Variants in TRIM2 observed in about 807,000 individuals in gnomAD.
TRIM2 encodes tripartite motif containing 2.
A neutral mutation model predicts 75.2 loss-of-function variants in TRIM2; 20 were observed. The ratio of observed to expected loss-of-function variants is 0.27; its 90% CI spans 0.19 to 0.39. The LOEUF (loss-of-function observed/expected upper bound fraction) is 0.39. Among genes scored for constraint, TRIM2 ranks in the 10% least tolerant of loss-of-function variants. The pLI is 1.00. For missense variants in TRIM2, 660 were observed against 990.8 expected (o/e 0.67, Z 4.48); for synonymous variants, 373 against 388.3 (o/e 0.96, Z 0.46).
At chr4:153,181,719 A>G (rs1012735084) in intron 1 of TRIM2, among the ~76,000 whole-genome samples, 3 of 152,168 alleles carry the variant, frequency 2.0e-5, no homozygotes, top group Admixed American at 6.5e-5. Context: ...GACTCATCCC[A>G]GCAGCCTTGT....
At chr4:153,195,819 T>A (rs1222751956) in intron 1 of TRIM2, among the ~76,000 whole-genome samples, 1 of 152,206 alleles carries the variant, frequency 6.6e-6, no homozygotes, top group Non-Finnish European at 1.5e-5. Context: ...TTCTTTTTTT[T>A]ATTATTTTTT....
At chr4:153,192,103 C>T (rs1733251886) in intron 1 of TRIM2, among the ~76,000 whole-genome samples, 1 of 152,158 alleles carries the variant, frequency 6.6e-6, no homozygotes, top group African/African-American at 2.4e-5. Flanking sequence ...AGTGAAACCC[C>T]AGAGCAACAA....
intron 3 of TRIM2, among the ~76,000 whole-genome samples, chr4:153,287,613 G>T (rs1385500045): frequency 6.6e-6 from 1 of 151,636 alleles, no homozygotes; most frequent in Non-Finnish European, 1.5e-5. Context: ...TTTATTGTTT[G>T]CCCTGAGGGT....
intron 6 of TRIM2, chr4:153,308,195 C>T: frequency 6.9e-7 from 1 of 1,439,212 alleles, no homozygotes; most frequent in African/African-American, 1.4e-5. Flanking sequence ...CTTGGTCAAT[C>T]AGTTCATAAT....
At chr4:153,266,080 C>G (rs1051410162) in intron 1 of TRIM2, among the ~76,000 whole-genome samples, 12 of 152,202 alleles carry the variant, frequency 7.9e-5, no homozygotes, top group African/African-American at 2.9e-4. Flanking sequence ...GACGTCATAC[C>G]TATACCGTTT....
intron 3 of TRIM2, among the ~76,000 whole-genome samples, chr4:153,289,128 G>T (rs1761311245): frequency 6.6e-6 from 1 of 151,734 alleles, no homozygotes; most frequent in Admixed American, 6.6e-5. Flanking sequence ...GTCCTTTTTT[G>T]TGTGCTTCAC....
At chr4:153,303,879 C>G (rs1764445164) in intron 6 of TRIM2, among the ~76,000 whole-genome samples, 1 of 152,120 alleles carries the variant, frequency 6.6e-6, no homozygotes, top group African/African-American at 2.4e-5. Context: ...CATTATCCAG[C>G]CTTCTAGTTG....
Position 153,289,560 on chromosome 4 carries a change from G to A in TRIM2, c.454-3422G>A, listed in dbSNP as rs189590910. On this transcript the variant is annotated intron_variant, in intron 3 of 11. Transcript: ENST00000338700. ...CTTGAGGATTTTTTACATTTTTCGC[G>A]ACTCTATATTATTTTGCATCCTTTT... Among the ~76,000 whole-genome samples the A allele has an allele frequency of 2.0e-4, 31 of 152,136 alleles. 1 individual carries two copies. The highest frequency in any genetic ancestry group is 5.1e-4 in the African/African-American group (21 of 41,516).
intron 1 of TRIM2, among the ~76,000 whole-genome samples, chr4:153,174,038 A>T (rs1252007575): frequency 1.0e-5 from 1 of 100,168 alleles, no homozygotes; most frequent in Non-Finnish European, 2.0e-5. Context: ...AGGTGGCCAC[A>T]GGAGGGACAG....
intron 1 of TRIM2, among the ~76,000 whole-genome samples, chr4:153,230,673 A>C (rs1300049130): frequency 6.6e-6 from 1 of 152,194 alleles, no homozygotes; most frequent in African/African-American, 2.4e-5. Context: ...ACAGTATGCT[A>C]TCTGTCTTTT....
At chr4:153,197,422 A>G (rs1391327088) in intron 1 of TRIM2, among the ~76,000 whole-genome samples, 1 of 152,098 alleles carries the variant, frequency 6.6e-6, no homozygotes, top group East Asian at 1.9e-4. Context: ...TCCCCTCTTT[A>G]TCAAGCCATG....
Position 153,335,117 on chromosome 4 carries a change from TA to T in TRIM2, c.*156del. ...TTATTTCTGAATGTAACAATTTCCT[TA>T]AAAATGACTTATCCAATTTCTGTAT... On this transcript the variant is annotated 3_prime_UTR_variant, in exon 12 of 12. Transcript: ENST00000338700. 1.1e-5 allele frequency: 14 copies of T among 1,299,106 alleles called. No individual in the cohort carries two copies. Among genetic ancestry groups the T allele is most frequent in the Non-Finnish European group, 1.3e-5 (13 of 1,019,036 alleles). The allele number at this position is 1,299,106 out of a possible 1,614,324, so 80.5% of individuals were successfully genotyped here.
chr4:153,155,706 G>T (rs981796366), intron 1 of TRIM2, among the ~76,000 whole-genome samples: 10 of 152,132 alleles, frequency 6.6e-5, no homozygotes, highest in African/African-American at 2.4e-4. Context: ...TACCCTAGCT[G>T]CAGGCTAGAA....
Position 153,339,218 on chromosome 4 carries a change from C to A in TRIM2, c.*4252C>A. 1 of 984,710 alleles carries A rather than the reference C, an allele frequency of 1.0e-6. No individual in the cohort carries two copies. The highest frequency in any genetic ancestry group is 1.2e-6 in the Non-Finnish European group (1 of 828,902). 61.0% of individuals were successfully genotyped at this position (984,710 alleles called of 1,614,324 possible). A position where few individuals can be genotyped will look rare whatever the true frequency, so the allele number is the denominator to read the frequency against. Reference sequence around the variant, plus strand: ...ATGCTTTAGTCTACAATGAAACTTTCAATTAATTCTGTCTTGAAACATAGG... The same window carrying A: ...ATGCTTTAGTCTACAATGAAACTTTAAATTAATTCTGTCTTGAAACATAGG... On this transcript the variant is annotated 3_prime_UTR_variant, in exon 12 of 12. Transcript: ENST00000338700.
chr4:153,244,153 G>GTTCTTCTTCTTC (rs751441750), intron 1 of TRIM2, among the ~76,000 whole-genome samples: 2 of 111,384 alleles, frequency 1.8e-5, no homozygotes, highest in African/African-American at 6.7e-5. Context: ...TGTTCTTCTT[G>GTTCTTCTTCTTC]TTCTTCTTCT....
intron 1 of TRIM2, among the ~76,000 whole-genome samples, chr4:153,217,447 G>T (rs971807285): frequency 2.6e-5 from 4 of 152,184 alleles, no homozygotes; most frequent in Non-Finnish European, 4.4e-5. Flanking sequence ...CACTTCAAAG[G>T]CAAGAAAGTG....
chr4:153,337,986 T>A lies in TRIM2; in HGVS notation c.*3020T>A. ...TGACTACAAGTCCTTTATGACTGTT[T>A]GCCATTTTTTTTAATGGTACTTAGT... On this transcript the variant is annotated 3_prime_UTR_variant, in exon 12 of 12. Coordinates refer to ENST00000338700, the MANE Select transcript of TRIM2 (RefSeq NM_015271.5). 2.0e-6 allele frequency: 2 copies of A among 985,820 alleles called. No homozygotes were observed. The highest frequency in any genetic ancestry group is 2.4e-6 in the Non-Finnish European group (2 of 829,934). The allele number at this position is 985,820 out of a possible 1,614,324, so 61.1% of individuals were successfully genotyped here.
At chr4:153,171,641 A>G (rs1055929324) in intron 1 of TRIM2, among the ~76,000 whole-genome samples, 1 of 43,256 alleles carries the variant, frequency 2.3e-5, no homozygotes, top group African/African-American at 1.1e-4. Flanking sequence ...TGGTTAATGG[A>G]AAAAAAAGAT....
At chr4:153,263,473 GTT>G (rs906668800) in intron 1 of TRIM2, among the ~76,000 whole-genome samples, 4 of 152,256 alleles carry the variant, frequency 2.6e-5, no homozygotes, top group African/African-American at 9.6e-5. Flanking sequence ...GAATAAGTCC[GTT>G]TCCATGTTAT....
Sources: allele counts gnomAD v4.1 joint callset (sites outside exome capture counted in the v4.1 genomes callset), GRCh38; gene constraint gnomAD v4.1.1; transcripts MANE v1.5; gene names NCBI Gene and HGNC (gene_info 2026-07-23, HGNC 2026-07-21).